Variants in LHFPL3 observed in about 807,000 individuals in gnomAD.
The protein encoded by LHFPL3 is LHFPL tetraspan subfamily member 3 protein.
LHFPL3 carries 5 observed loss-of-function variants against 19.3 expected under a neutral mutation model. The ratio of observed to expected loss-of-function variants is 0.26; its 90% CI spans 0.14 to 0.54. The LOEUF is 0.54. Among genes scored for constraint, LHFPL3 ranks in the 20% least tolerant of loss-of-function variants. The probability of loss-of-function intolerance (pLI) is 0.94; values close to 1 mark genes in which losing one functional copy is unlikely to be tolerated. For missense variants in LHFPL3, 249 were observed against 307.4 expected (o/e 0.81, Z 1.42); for synonymous variants, 133 against 126.2 (o/e 1.05, Z -0.36).
At chr7:104,895,604 T>C (rs1174787558) in intron 2 of LHFPL3, 2 of 152,344 alleles carry the variant, frequency 1.3e-5, no homozygotes, top group Non-Finnish European at 2.9e-5. Context: ...AGCCCTTCAT[T>C]AGAGCAGCTG....
chr7:104,410,393 A>G, intron 1 of LHFPL3, among the ~76,000 whole-genome samples: 1 of 152,158 alleles, frequency 6.6e-6, no homozygotes, highest in Non-Finnish European at 1.5e-5. Flanking sequence ...TTGGCCTCCC[A>G]AAGTGCTGGG....
intron 2 of LHFPL3, among the ~76,000 whole-genome samples, chr7:104,878,387 A>G (rs1465045038): frequency 6.6e-6 from 1 of 152,150 alleles, no homozygotes. Flanking sequence ...TATTCTCATA[A>G]TATGTCAAAC....
intron 1 of LHFPL3, among the ~76,000 whole-genome samples, chr7:104,576,672 T>G (rs1472294430): frequency 6.6e-6 from 1 of 152,156 alleles, no homozygotes; most frequent in Non-Finnish European, 1.5e-5. Context: ...TTTTGTTTTG[T>G]TTTTTGCCAT....
Position 104,908,520 on chromosome 7 carries a change from A to G in LHFPL3, c.*2305A>G, listed in dbSNP as rs189265042. 1.2e-4 allele frequency among the ~76,000 whole-genome samples: 19 copies of G among 152,284 alleles called. No homozygotes were observed. The highest frequency in any genetic ancestry group is 1.2e-3 in the Admixed American group (19 of 15,288). ...TTTGTTGGAATACCTGAATTTCTGTAAAAAAATAAAAATAAAAATAAGATT... is the reference window on the plus strand; with the variant it reads ...TTTGTTGGAATACCTGAATTTCTGTGAAAAAATAAAAATAAAAATAAGATT... On this transcript the variant is annotated 3_prime_UTR_variant, in exon 3 of 3. Coordinates refer to ENST00000424859, the MANE Select transcript of LHFPL3 (RefSeq NM_199000.3).
intron 1 of LHFPL3, among the ~76,000 whole-genome samples, chr7:104,438,367 T>C (rs190020971): frequency 2.0e-5 from 3 of 152,360 alleles, no homozygotes; most frequent in Non-Finnish European, 4.4e-5. Flanking sequence ...TGCCATTGGT[T>C]ACACTTGCAC....
chr7:104,474,288 G>C (rs1247382704), intron 1 of LHFPL3, among the ~76,000 whole-genome samples: 1 of 152,178 alleles, frequency 6.6e-6, no homozygotes, highest in Non-Finnish European at 1.5e-5. Context: ...TATTTGGGGA[G>C]CCAGTTCAAT....
intron 1 of LHFPL3, among the ~76,000 whole-genome samples, chr7:104,571,946 A>G (rs577426361): frequency 1.3e-5 from 2 of 152,362 alleles, no homozygotes; most frequent in Admixed American, 1.3e-4. Context: ...TATGTAAAGT[A>G]GAATATAAAA....
chr7:104,441,444 A>G (rs1792221705), intron 1 of LHFPL3, among the ~76,000 whole-genome samples: 1 of 152,192 alleles, frequency 6.6e-6, no homozygotes, highest in African/African-American at 2.4e-5. Context: ...ATTCAATTGT[A>G]TGTAAATATT....
chr7:104,877,301 G>A (rs1791966277), intron 2 of LHFPL3, among the ~76,000 whole-genome samples: 1 of 152,090 alleles, frequency 6.6e-6, no homozygotes, highest in Admixed American at 6.6e-5. Context: ...GGATTACTGG[G>A]TTAAAAGCAG....
chr7:104,408,037 A>T (rs1791454057), intron 1 of LHFPL3, among the ~76,000 whole-genome samples: 1 of 152,068 alleles, frequency 6.6e-6, no homozygotes, highest in South Asian at 2.1e-4. Flanking sequence ...CTCCCCTCAG[A>T]TGGTAGGACT....
intron 1 of LHFPL3, among the ~76,000 whole-genome samples, chr7:104,585,956 C>T (rs1311588633): frequency 6.6e-6 from 1 of 151,906 alleles, no homozygotes; most frequent in Non-Finnish European, 1.5e-5. Context: ...CTGAATTAAT[C>T]AAATTACCTT....
chr7:104,559,825 G>C (rs1789946446), intron 1 of LHFPL3, among the ~76,000 whole-genome samples: 1 of 148,226 alleles, frequency 6.7e-6, no homozygotes, highest in Admixed American at 6.6e-5. Flanking sequence ...GTTTGTCATA[G>C]ATAGCTCTTA....
chr7:104,535,240 A>C (rs6949801), intron 1 of LHFPL3, among the ~76,000 whole-genome samples: 88,119 of 152,068 alleles, frequency 0.58, 25,708 homozygotes, highest in Middle Eastern at 0.64. Context: ...GTCTCTGGAA[A>C]AGGATTGCTC....
chr7:104,519,424 G>C (rs961983978), intron 1 of LHFPL3, among the ~76,000 whole-genome samples: 3 of 152,118 alleles, frequency 2.0e-5, no homozygotes, highest in Non-Finnish European at 4.4e-5. Context: ...TAAACTTTAT[G>C]TGTTGCTTTT....
intron 1 of LHFPL3, among the ~76,000 whole-genome samples, chr7:104,407,467 G>T (rs1244916619): frequency 1.3e-5 from 2 of 152,132 alleles, no homozygotes; most frequent in African/African-American, 4.8e-5. Flanking sequence ...GACCAGCATG[G>T]CCTACATGGA....
chr7:104,463,551 T>C (rs536530557), intron 1 of LHFPL3, among the ~76,000 whole-genome samples: 36 of 152,220 alleles, frequency 2.4e-4, no homozygotes, highest in South Asian at 4.1e-4. Context: ...GAAGTTTTAA[T>C]TGACTCACAG....
chr7:104,650,604 A>G (rs1792014213), intron 1 of LHFPL3, among the ~76,000 whole-genome samples: 1 of 152,188 alleles, frequency 6.6e-6, no homozygotes, highest in Non-Finnish European at 1.5e-5. Context: ...TTTTTATTAC[A>G]CCTGAGTACT....
intron 1 of LHFPL3, among the ~76,000 whole-genome samples, chr7:104,563,978 C>A (rs1790070430): frequency 6.6e-6 from 1 of 152,146 alleles, no homozygotes; most frequent in African/African-American, 2.4e-5. Context: ...TACCTAATAA[C>A]AATAGTAATA....
chr7:104,630,366 A>G, intron 1 of LHFPL3, among the ~76,000 whole-genome samples: 1 of 152,178 alleles, frequency 6.6e-6, no homozygotes, highest in East Asian at 1.9e-4. Context: ...TGGAATTAAG[A>G]GGTAATTGCA....
Sources: gnomAD v4.1 joint callset for allele counts (sites outside exome capture counted in the v4.1 genomes callset) on GRCh38, gnomAD v4.1.1 for gene constraint, MANE v1.5 for transcripts, NCBI Gene and HGNC (gene_info 2026-07-23, HGNC 2026-07-21) for gene names.